The following PKD1L1 variants were observed in gnomAD, a reference collection of about 807,000 sequenced individuals.
PKD1L1 encodes the protein polycystin-1-like protein 1.
Under a neutral mutation model 323.4 loss-of-function variants are expected in PKD1L1, and 236 were observed. The observed-to-expected ratio is 0.73, with a 90% CI of 0.66 to 0.81. The LOEUF (loss-of-function observed/expected upper bound fraction) is 0.81, where lower values mean the gene tolerates loss of function less well. Ranked by LOEUF, PKD1L1 falls within the 40% of genes least tolerant of loss-of-function variation. The probability of loss-of-function intolerance (pLI) is 0.00; values close to 1 mark genes in which losing one functional copy is unlikely to be tolerated. For missense variants in PKD1L1, 3,320 were observed against 3,508.0 expected (o/e 0.95, Z 1.35); for synonymous variants, 1,344 against 1,335.0 (o/e 1.01, Z -0.15).
At chr7:47,953,465 A>G (rs1469304114), upstream of PKD1L1, among the ~76,000 whole-genome samples, 3 of 152,332 alleles carry the variant, frequency 2.0e-5, no homozygotes, top group African/African-American at 7.2e-5. Flanking sequence ...CCCAGATCGT[A>G]TGATGGTACA....
At chr7:47,953,324 C>A (rs574879646), upstream of PKD1L1, among the ~76,000 whole-genome samples, 1 of 152,196 alleles carries the variant, frequency 6.6e-6, no homozygotes, top group Admixed American at 6.5e-5. Context: ...CCCTCACCTG[C>A]CCACCTTGTT....
chr7:47,892,540 CTG>C (rs1477422616), intron 15 of PKD1L1, among the ~76,000 whole-genome samples: 2 of 152,196 alleles, frequency 1.3e-5, no homozygotes, highest in East Asian at 3.9e-4. Context: ...TTAAAAGAAT[CTG>C]TCTCCAAAAG....
At chr7:47,870,645 T>G (rs978066805) in intron 24 of PKD1L1, among the ~76,000 whole-genome samples, 11 of 152,216 alleles carry the variant, frequency 7.2e-5, no homozygotes, top group Non-Finnish European at 1.6e-4. Flanking sequence ...CAAATAACTT[T>G]GCTGGTAAAT....
chr7:47,788,140 A>T (rs1280853036), intron 56 of PKD1L1, among the ~76,000 whole-genome samples: 3 of 151,932 alleles, frequency 2.0e-5, no homozygotes, highest in Admixed American at 6.6e-5. Flanking sequence ...AAAAATATCG[A>T]TTTCATTTTT....
intron 12 of PKD1L1, among the ~76,000 whole-genome samples, chr7:47,903,490 T>C (rs953778986): frequency 6.6e-5 from 10 of 152,214 alleles, no homozygotes; most frequent in Non-Finnish European, 1.3e-4. Flanking sequence ...TACTGCTCAA[T>C]TCTTTCCTTA....
At chr7:47,901,301 G>A (rs1787082103) in intron 13 of PKD1L1, among the ~76,000 whole-genome samples, 1 of 127,036 alleles carries the variant, frequency 7.9e-6, no homozygotes, top group Non-Finnish European at 1.5e-5. Context: ...TCATGCCACT[G>A]CACTCCAGCC....
At chr7:47,819,522 C>T (rs753175929) in intron 46 of PKD1L1, 3 of 1,352,916 alleles carry the variant, frequency 2.2e-6, no homozygotes, top group Admixed American at 2.0e-5. Context: ...CCTACTGGCA[C>T]AGGCTGTGCA....
chr7:47,898,288 C>A, intron 13 of PKD1L1, 94 bp from the exon 14 acceptor site: 1 of 1,065,722 alleles, frequency 9.4e-7, no homozygotes, highest in South Asian at 1.5e-5. Flanking sequence ...CTGTAGATCT[C>A]CCATTATTTG....
At chr7:47,947,937 G>A (rs923556248) in intron 1 of PKD1L1, among the ~76,000 whole-genome samples, 1 of 151,826 alleles carries the variant, frequency 6.6e-6, no homozygotes, top group Non-Finnish European at 1.5e-5. Flanking sequence ...CTCTGCACTC[G>A]AGCCTGGGCA....
At chr7:47,938,351 TTCTGTGACGAGAACAGGGAACCCC>T (rs1334765906) in intron 3 of PKD1L1, among the ~76,000 whole-genome samples, 1 of 152,110 alleles carries the variant, frequency 6.6e-6, no homozygotes, top group Non-Finnish European at 1.5e-5. Context: ...CCTGCCCCTC[TTCTGTGACGAGAACAGGGAACCCC>T]TCTGTGGCCT....
At chr7:47,899,212 G>C (rs901530792) in intron 13 of PKD1L1, among the ~76,000 whole-genome samples, 8 of 152,166 alleles carry the variant, frequency 5.3e-5, no homozygotes, top group Non-Finnish European at 1.0e-4. Context: ...TCAGGGGCCT[G>C]GGGCACTCTC....
intron 26 of PKD1L1, among the ~76,000 whole-genome samples, chr7:47,861,220 A>G (rs957510821): frequency 5.9e-5 from 9 of 152,252 alleles, no homozygotes; most frequent in Non-Finnish European, 1.0e-4. Flanking sequence ...TTTAACTAAT[A>G]CAGTTTGTAT....
intron 8 of PKD1L1, among the ~76,000 whole-genome samples, chr7:47,914,384 T>C (rs977644183): frequency 2.6e-5 from 4 of 152,194 alleles, no homozygotes; most frequent in African/African-American, 7.2e-5. Flanking sequence ...AAGTCCATTG[T>C]AGAGAAACAT....
At chr7:47,883,163 T>C (rs1050290321) in intron 19 of PKD1L1, among the ~76,000 whole-genome samples, 1 of 152,220 alleles carries the variant, frequency 6.6e-6, no homozygotes, top group Non-Finnish European at 1.5e-5. Flanking sequence ...CTGTAAAGAC[T>C]TTTAAATGTT....
At chr7:47,860,665 T>C (rs1786003709) in intron 26 of PKD1L1, among the ~76,000 whole-genome samples, 1 of 152,232 alleles carries the variant, frequency 6.6e-6, no homozygotes, top group Non-Finnish European at 1.5e-5. Context: ...ACAAGTGCTT[T>C]AAAGAATATA....
intron 52 of PKD1L1, among the ~76,000 whole-genome samples, chr7:47,807,540 G>A (rs977243355): frequency 6.6e-6 from 1 of 152,156 alleles, no homozygotes; most frequent in Non-Finnish European, 1.5e-5. Flanking sequence ...GGACAAGGGG[G>A]TTAGGGAGGG....
In PKD1L1 at chr7:47,873,911, A is replaced by C. The variant is rs1431264236; in HGVS notation, c.3884T>G (p.Leu1295Arg). The C allele has an allele frequency of 1.2e-6, 2 of 1,613,476 alleles. No individual in the cohort carries two copies. The highest frequency in any genetic ancestry group is 2.7e-5 in the African/African-American group (2 of 74,894). Reference protein sequence around the residue: ...VLPRYHGNDCLGEDLYNSSLK... With the variant: ...VLPRYHGNDCRGEDLYNSSLK... Reference sequence around the variant, plus strand: ...TTGTGTTACTCACAGGTCCTCGCCCAGACAGTCATTTCCATGGTAGCGGGG... The same window carrying C: ...TTGTGTTACTCACAGGTCCTCGCCCCGACAGTCATTTCCATGGTAGCGGGG... The change falls in exon 24 of 57, where the codon CTG becomes CGG. Residue 1295 changes from leucine to arginine, a missense_variant. Coordinates refer to ENST00000289672, the MANE Select transcript of PKD1L1 (RefSeq NM_138295.5).
intron 7 of PKD1L1, among the ~76,000 whole-genome samples, chr7:47,918,070 G>A (rs201760162): frequency 3.1e-4 from 47 of 152,138 alleles, no homozygotes; most frequent in African/African-American, 1.1e-3. Flanking sequence ...ACCAACCAAC[G>A]ATCTGCTGCC....
intron 4 of PKD1L1, among the ~76,000 whole-genome samples, chr7:47,936,172 A>T (rs887917592): frequency 4.6e-5 from 7 of 152,192 alleles, no homozygotes; most frequent in Non-Finnish European, 7.3e-5. Flanking sequence ...AAATTGTGGT[A>T]AAACAATAAC....
Sources: gnomAD v4.1 joint callset for allele counts (sites outside exome capture counted in the v4.1 genomes callset) on GRCh38, gnomAD v4.1.1 for gene constraint, MANE v1.5 for transcripts, NCBI Gene and HGNC (gene_info 2026-07-23, HGNC 2026-07-21) for gene names.